ARHGAP5: variants seen among roughly 807,000 people sequenced by gnomAD.
The protein encoded by ARHGAP5 is Rho GTPase activating protein 5, also known as rho GTPase-activating protein 5.
ARHGAP5 carries 23 observed loss-of-function variants against 116.6 expected under a neutral mutation model. That is an observed-to-expected ratio of 0.20 (90% CI 0.14 to 0.28). The LOEUF is 0.28. ARHGAP5 is among the 10% of genes least tolerant of loss of function. ARHGAP5 has a pLI of 1.00. For synonymous variants in ARHGAP5, 574 were observed against 602.0 expected, an observed-to-expected ratio of 0.95 and a Z score of 0.68; for missense variants, 1,405 against 1,774.8, an observed-to-expected ratio of 0.79 and a Z score of 3.74.
intron 3 of ARHGAP5, among the ~76,000 whole-genome samples, chr14:32,121,020 T>TTC (rs1353188910): frequency 1.4e-5 from 2 of 143,232 alleles, no homozygotes; most frequent in African/African-American, 2.7e-5. Context: ...TGTCTTTTTT[T>TTC]TTTTTTTTTT....
intron 2 of ARHGAP5, among the ~76,000 whole-genome samples, chr14:32,109,567 A>G (rs1566668732): frequency 6.6e-6 from 1 of 152,112 alleles, no homozygotes. Flanking sequence ...AATTATATTA[A>G]TAGCCATACC....
chr14:32,152,481 T>G lies in ARHGAP5; in HGVS notation c.4134T>G (p.His1378Gln), dbSNP rs756159022. Residue 1378 changes from histidine to glutamine, a missense_variant, in exon 6 of 7, where the codon CAT becomes CAG. This residue lies in a region of ARHGAP5 where 176 missense variants were observed against 221.2 expected (regional missense o/e 0.80). Coordinates refer to ENST00000345122, the MANE Select transcript of ARHGAP5 (RefSeq NM_001030055.2). ...TGAAAGAAATTGTTAAGAAATTTCA[T>G]CCTGTAAACTATGATGTATTCAGAT... ...HALKEIVKKF[H>Q]PVNYDVFRYV... 1.1e-5 allele frequency: 17 copies of G among 1,606,228 alleles called. No homozygotes were observed. The highest frequency in any genetic ancestry group is 1.4e-5 in the Non-Finnish European group (17 of 1,177,512).
chr14:32,133,147 G>A (rs1217904162), intron 3 of ARHGAP5, among the ~76,000 whole-genome samples: 9 of 151,940 alleles, frequency 5.9e-5, no homozygotes, highest in Middle Eastern at 3.4e-3. Flanking sequence ...CTTGATGGGG[G>A]TGGCATTGAA....
In ARHGAP5 at chr14:32,092,013, G is replaced by A; in HGVS notation, c.1344G>A (p.Gln448=). The A allele has an allele frequency of 1.9e-6, 3 of 1,613,740 alleles. No individual in the cohort carries two copies. Among genetic ancestry groups the A allele is most frequent in the Non-Finnish European group, 1.7e-6 (2 of 1,179,756 alleles). ...AAATTCAATTCATTTCACCAGGGCAGCCATGGGAGGAAGTTATGTGCTTTG... is the reference window on the plus strand; with the variant it reads ...AAATTCAATTCATTTCACCAGGGCAACCATGGGAGGAAGTTATGTGCTTTG... The part of the protein sequence containing the change: ...LEKIQFISPG[Q]PWEEVMCFVM... Residue 448 remains glutamine (Q), a synonymous_variant, in exon 2 of 7, where the codon CAG becomes CAA. Coordinates refer to ENST00000345122, the MANE Select transcript of ARHGAP5 (RefSeq NM_001030055.2). This position sits in a 1 kb window ranked among gnomAD's most constrained non-coding sequence, Gnocchi z 4.1.
chr14:32,140,590 A>G (rs1479905234), intron 3 of ARHGAP5, among the ~76,000 whole-genome samples: 1 of 152,130 alleles, frequency 6.6e-6, no homozygotes, highest in African/African-American at 2.4e-5. Flanking sequence ...ACTCTGTCTC[A>G]AAAAAAGAAA....
chr14:32,081,509 A>G (rs2041773052), intron 1 of ARHGAP5, among the ~76,000 whole-genome samples: 1 of 147,288 alleles, frequency 6.8e-6, no homozygotes, highest in South Asian at 2.2e-4. Context: ...AGATCGCGCC[A>G]CTGCACTCCA....
Position 32,093,693 on chromosome 14 carries a change from C to G in ARHGAP5, c.3024C>G (p.Ser1008=). ...TGCTTCCAACACCTAGTGACCGTTCCAGATATAGATTAGATTTGGAAGGAA... is the reference window on the plus strand; with the variant it reads ...TGCTTCCAACACCTAGTGACCGTTCGAGATATAGATTAGATTTGGAAGGAA... ...VQLLPTPSDR[S]RYRLDLEGNE... is the part of the protein sequence containing the mutation. The change falls in exon 2 of 7, where the codon TCC becomes TCG. Residue 1008 remains serine (S), a synonymous_variant. Coordinates refer to ENST00000345122, the MANE Select transcript of ARHGAP5 (RefSeq NM_001030055.2). 6.2e-7 allele frequency: 1 copy of G among 1,614,010 alleles called. No individual in the cohort carries two copies. Among genetic ancestry groups the G allele is most frequent in the Non-Finnish European group, 8.5e-7 (1 of 1,179,954 alleles).
intron 2 of ARHGAP5, among the ~76,000 whole-genome samples, chr14:32,099,148 T>C (rs1271809340): frequency 6.6e-6 from 1 of 152,182 alleles, no homozygotes; most frequent in Non-Finnish European, 1.5e-5. Flanking sequence ...GGGAAAAATA[T>C]CTCCTATGTT....
In ARHGAP5 at chr14:32,092,800, C is replaced by A. The variant is rs546529140; in HGVS notation, c.2131C>A (p.Leu711Ile). The change falls in exon 2 of 7, where the codon CTA becomes ATA. Residue 711 changes from leucine (L) to isoleucine (I), a missense_variant. Physicochemically the swap from Leu to Ile is conservative, Grantham distance 5. Coordinates refer to ENST00000345122, the MANE Select transcript of ARHGAP5 (RefSeq NM_001030055.2). The surrounding 1 kb of genome is among the most constrained non-coding windows in gnomAD (Gnocchi z 4.1). ...ANQRDSISKNLPILRHQGQQL... is the reference protein window; with the variant it reads ...ANQRDSISKNIPILRHQGQQL... ...TCAGAGAGATTCCATTAGTAAGAAT[C>A]TACCAATTCTCAGGCACCAAGGGCA... The A allele has an allele frequency of 6.2e-7, 1 of 1,613,998 alleles. No individual in the cohort carries two copies. The highest frequency in any genetic ancestry group is 1.1e-5 in the South Asian group (1 of 91,080).
intron 1 of ARHGAP5, among the ~76,000 whole-genome samples, chr14:32,082,489 T>C (rs190451154): frequency 1.3e-5 from 2 of 152,336 alleles, no homozygotes; most frequent in Admixed American, 6.5e-5. Flanking sequence ...GTATTTCTTA[T>C]GTCTAGTAGC....
At chr14:32,144,763 C>A (rs967422694) in intron 3 of ARHGAP5, among the ~76,000 whole-genome samples, 2 of 152,168 alleles carry the variant, frequency 1.3e-5, no homozygotes, top group African/African-American at 4.8e-5. Flanking sequence ...GGATTACAGG[C>A]GGGAGCCATC....
chr14:32,155,082 G>C lies in ARHGAP5; in HGVS notation c.*134G>C, dbSNP rs1311868355. 3 of 755,310 alleles carry C rather than the reference G, an allele frequency of 4.0e-6. No individual in the cohort carries two copies. Among genetic ancestry groups the C allele is most frequent in the Non-Finnish European group, 6.2e-6 (3 of 480,174 alleles). 46.8% of individuals were successfully genotyped at this position (755,310 alleles called of 1,614,324 possible). A position where few individuals can be genotyped will look rare whatever the true frequency, so the allele number is the denominator to read the frequency against. On this transcript the variant is annotated 3_prime_UTR_variant, in exon 7 of 7. Transcript: ENST00000345122. ...AAAATTACATTTTCTCTTTGAACTA[G>C]ATGGTATTCCTTATTCACTTACATT...
At chr14:32,149,822 T>C (rs1881559988) in intron 4 of ARHGAP5, 80 bp from the exon 5 acceptor site, 2 of 818,028 alleles carry the variant, frequency 2.4e-6, no homozygotes, top group Admixed American at 4.1e-5. Flanking sequence ...AGTTATCTTT[T>C]GATCTAAAAG....
In ARHGAP5 at chr14:32,123,491, C is replaced by T. The variant is rs541868717; in HGVS notation, c.3865+6204C>T. Among the ~76,000 whole-genome samples the T allele has an allele frequency of 2.6e-5, 4 of 151,920 alleles. No homozygotes were observed. The South Asian group carries it at 8.3e-4, about 32-fold the overall frequency. ...TTGGGCATATAAAATTTATAATAGC[C>T]ATTTTAAGATTTTTGGTTTACTAAT... On this transcript the variant is annotated intron_variant, in intron 3 of 6. Coordinates refer to ENST00000345122, the MANE Select transcript of ARHGAP5 (RefSeq NM_001030055.2).
chr14:32,089,076 TGTTAAA>T (rs201911229), intron 1 of ARHGAP5, among the ~76,000 whole-genome samples: 19 of 152,104 alleles, frequency 1.2e-4, no homozygotes, highest in East Asian at 9.6e-4. Flanking sequence ...GATGGCTGAC[TGTTAAA>T]GTTAATATTT....
chr14:32,152,071 T>G (rs2139151165), intron 5 of ARHGAP5, among the ~76,000 whole-genome samples: 1 of 152,266 alleles, frequency 6.6e-6, no homozygotes, highest in East Asian at 1.9e-4. Context: ...TCTGTCAGAT[T>G]AGGTGCGGCA....
intron 2 of ARHGAP5, among the ~76,000 whole-genome samples, chr14:32,105,505 C>A (rs1878975222): frequency 6.6e-6 from 1 of 151,874 alleles, no homozygotes; most frequent in African/African-American, 2.4e-5. Flanking sequence ...AAGAGAGACC[C>A]CATGTGCTCT....
At chr14:32,100,186 A>G (rs761831726) in intron 2 of ARHGAP5, among the ~76,000 whole-genome samples, 1 of 152,208 alleles carries the variant, frequency 6.6e-6, no homozygotes, top group Non-Finnish European at 1.5e-5. Flanking sequence ...ACCAAAAATA[A>G]CAATACAATA....
chr14:32,126,797 G>A (rs543335659), intron 3 of ARHGAP5, among the ~76,000 whole-genome samples: 9 of 151,592 alleles, frequency 5.9e-5, no homozygotes, highest in African/African-American at 1.9e-4. Context: ...CTTTTTTTGG[G>A]GGGGGAGTAG....
Sources: gnomAD v4.1 joint callset for allele counts (sites outside exome capture counted in the v4.1 genomes callset) on GRCh38, gnomAD v4.1.1 for gene constraint, gnomAD v4.1.1 regional missense constraint, Gnocchi (gnomAD v3.1) non-coding constraint, MANE v1.5 for transcripts, NCBI Gene and HGNC (gene_info 2026-07-23, HGNC 2026-07-21) for gene names.